TOX2: variants seen among roughly 807,000 people sequenced by gnomAD.
TOX2 encodes the protein TOX high mobility group box family member 2, also known as granulosa cell HMG box 1.
In TOX2, 15 loss-of-function variants were observed where a neutral mutation model predicts 47.4. The ratio of observed to expected loss-of-function variants is 0.32; its 90% confidence interval spans 0.21 to 0.49. The LOEUF (loss-of-function observed/expected upper bound fraction) is 0.49, where lower values mean the gene tolerates loss of function less well. Among genes scored for constraint, TOX2 ranks in the 20% least tolerant of loss-of-function variants. TOX2 has a pLI of 0.99. For missense variants in TOX2, 622 were observed against 673.1 expected (o/e 0.92, Z 0.84); for synonymous variants, 290 against 296.6 (o/e 0.98, Z 0.23).
At chr20:43,949,724 C>A (rs1302053454) in intron 1 of TOX2, among the ~76,000 whole-genome samples, 2 of 152,160 alleles carry the variant, frequency 1.3e-5, no homozygotes, top group Non-Finnish European at 2.9e-5. Flanking sequence ...CCACGGCTTT[C>A]CAGAAGCCTT....
chr20:44,013,498 G>A (rs1375951064), intron 3 of TOX2, among the ~76,000 whole-genome samples: 3 of 152,192 alleles, frequency 2.0e-5, no homozygotes, highest in African/African-American at 7.2e-5. Context: ...GGGCAGTAGG[G>A]ACCCCCTAGT....
intron 5 of TOX2, among the ~76,000 whole-genome samples, chr20:44,057,164 T>C (rs1046110822): frequency 4.6e-5 from 7 of 152,178 alleles, no homozygotes; most frequent in African/African-American, 1.7e-4. Flanking sequence ...CAAATGATCA[T>C]CCCACCTTGG....
Position 43,950,007 on chromosome 20 carries a change from A to G in TOX2, c.100-23360A>G, listed in dbSNP as rs191039866. On this transcript the variant is annotated intron_variant, in intron 1 of 8. Coordinates refer to ENST00000341197, the MANE Select transcript of TOX2 (RefSeq NM_001098797.2). ...CTCAAACTGGTTTGATTTGGCTGTG[A>G]CCTTGGACAAGCCACCTAGCCTCTC... 2.5e-3 allele frequency among the ~76,000 whole-genome samples: 351 copies of G among 141,238 alleles called. 3 individuals are homozygous for G. The highest frequency in any genetic ancestry group is 9.0e-3 in the African/African-American group (336 of 37,404). The allele number at this position is 141,238 out of a possible 152,430, so 92.7% of individuals were successfully genotyped here. A position where few individuals can be genotyped will look rare whatever the true frequency, so the allele number is the denominator to read the frequency against.
At chr20:43,975,275 G>A (rs912418465) in intron 2 of TOX2, among the ~76,000 whole-genome samples, 3 of 152,116 alleles carry the variant, frequency 2.0e-5, no homozygotes, top group East Asian at 1.9e-4. Context: ...GAGCACAGTC[G>A]TTTGGAGAGG....
Position 43,992,849 on chromosome 20 carries a change from CA to C in TOX2, c.166-13681del, listed in dbSNP as rs11483440. On this transcript the variant is annotated intron_variant, in intron 2 of 8. Coordinates refer to ENST00000341197, the MANE Select transcript of TOX2 (RefSeq NM_001098797.2). ...ATGAAACACATTCGTGTAGGGTTTACAAAAAAAAAAAAAAAAAGAAAAAATG... is the reference window on the plus strand; with the variant it reads ...ATGAAACACATTCGTGTAGGGTTTACAAAAAAAAAAAAAAAAGAAAAAATG... 0.012 allele frequency among the ~76,000 whole-genome samples: 910 copies of C among 74,510 alleles called. 4 individuals are homozygous for C. In the Middle Eastern group the frequency reaches 0.13, roughly 10 times the overall value. 48.9% of individuals were successfully genotyped at this position (74,510 alleles called of 152,430 possible).
intron 3 of TOX2, among the ~76,000 whole-genome samples, chr20:44,036,917 C>T (rs1192839715): frequency 1.3e-5 from 2 of 152,332 alleles, no homozygotes; most frequent in South Asian, 2.1e-4. Flanking sequence ...CCTGGCATCC[C>T]TCTCCTCTCA....
chr20:43,928,997 A>AAGAAAAAAC (rs1555829658), intron 1 of TOX2, among the ~76,000 whole-genome samples: 29 of 149,674 alleles, frequency 1.9e-4, no homozygotes, highest in African/African-American at 7.0e-4. Context: ...AAAAAAAAAA[A>AAGAAAAAAC]AACAACAACA....
intron 5 of TOX2, among the ~76,000 whole-genome samples, chr20:44,059,413 A>G (rs540843091): frequency 6.6e-6 from 1 of 152,324 alleles, no homozygotes; most frequent in South Asian, 2.1e-4. Context: ...CTGAGGAAGA[A>G]GAGAAATCTA....
At chr20:44,064,749 A>AGTGTT (rs750252239) in intron 5 of TOX2, 28 bp from the exon 6 acceptor site, 2 of 1,609,388 alleles carry the variant, frequency 1.2e-6, no homozygotes, top group African/African-American at 2.7e-5. Flanking sequence ...CTTTCTCCCC[A>AGTGTT]GTGTTGCTCA....
chr20:44,033,907 C>A (rs2145696391), intron 3 of TOX2, among the ~76,000 whole-genome samples: 1 of 152,298 alleles, frequency 6.6e-6, no homozygotes, highest in Admixed American at 6.5e-5. Context: ...CTGCTGCCTT[C>A]TCAGAGGACT....
chr20:43,998,559 G>T (rs1485784126), intron 2 of TOX2, among the ~76,000 whole-genome samples: 1 of 152,018 alleles, frequency 6.6e-6, no homozygotes, highest in Admixed American at 6.6e-5. Context: ...TTATATTTCT[G>T]TGGTTTTATC....
intron 3 of TOX2, among the ~76,000 whole-genome samples, chr20:44,026,392 C>T (rs2071069913): frequency 1.3e-5 from 2 of 151,072 alleles, no homozygotes; most frequent in African/African-American, 4.9e-5. Context: ...TATATTCTCA[C>T]TCATAAGTGG....
At chr20:43,952,110 C>T (rs1260928967) in intron 1 of TOX2, among the ~76,000 whole-genome samples, 2 of 151,844 alleles carry the variant, frequency 1.3e-5, no homozygotes, top group Non-Finnish European at 2.9e-5. Flanking sequence ...ACCATGTTAG[C>T]CAGGATGGTC....
chr20:43,955,301 T>A (rs1472668063), intron 1 of TOX2: 4 of 984,858 alleles, frequency 4.1e-6, no homozygotes, highest in Non-Finnish European at 3.6e-6. Context: ...CCCTCCTGGG[T>A]CACAGGAGGG....
chr20:43,956,580 A>C (rs199883387), intron 1 of TOX2, among the ~76,000 whole-genome samples: 1 of 139,452 alleles, frequency 7.2e-6, no homozygotes, highest in Non-Finnish European at 1.5e-5. Context: ...AAAAAAAAAA[A>C]AGACTGTTTT....
chr20:43,977,986 C>G (rs1203081416), intron 2 of TOX2, among the ~76,000 whole-genome samples: 2 of 152,156 alleles, frequency 1.3e-5, no homozygotes, highest in Non-Finnish European at 2.9e-5. Context: ...TCAGCATGGG[C>G]CAGATTTCCT....
At chr20:44,042,884 G>A (rs530341263) in intron 3 of TOX2, among the ~76,000 whole-genome samples, 24 of 152,296 alleles carry the variant, frequency 1.6e-4, no homozygotes, top group African/African-American at 5.8e-4. Context: ...ATTCATTATG[G>A]AGGTGGAACC....
At chr20:43,939,582 A>G (rs1412370195) in intron 1 of TOX2, among the ~76,000 whole-genome samples, 1 of 152,158 alleles carries the variant, frequency 6.6e-6, no homozygotes, top group Non-Finnish European at 1.5e-5. Context: ...GGCATTGTGT[A>G]AGTCCCACAA....
intron 1 of TOX2, among the ~76,000 whole-genome samples, chr20:43,962,598 C>T (rs895200348): frequency 6.6e-6 from 1 of 152,246 alleles, no homozygotes; most frequent in African/African-American, 2.4e-5. Flanking sequence ...GTTAAGGCCT[C>T]AGTTAACATT....
Sources: allele counts gnomAD v4.1 joint callset (sites outside exome capture counted in the v4.1 genomes callset), GRCh38; gene constraint gnomAD v4.1.1; transcripts MANE v1.5; gene names NCBI Gene and HGNC (gene_info 2026-07-23, HGNC 2026-07-21).